PPM1L: variants seen among roughly 807,000 people sequenced by gnomAD.
PPM1L encodes protein phosphatase, Mg2+/Mn2+ dependent 1L.
PPM1L carries 13 observed loss-of-function variants against 31.4 expected under a neutral mutation model. The ratio of observed to expected loss-of-function variants is 0.41; its 90% CI spans 0.27 to 0.66. PPM1L has a LOEUF of 0.66. Among genes scored for constraint, PPM1L ranks in the 30% least tolerant of loss-of-function variants. PPM1L has a pLI of 0.29. For synonymous variants in PPM1L, 184 were observed against 175.4 expected, an observed-to-expected ratio of 1.05 and a Z score of -0.39; for missense variants, 326 against 453.7, an observed-to-expected ratio of 0.72 and a Z score of 2.56.
intron 1 of PPM1L, among the ~76,000 whole-genome samples, chr3:160,889,847 C>T (rs1295473789): frequency 6.6e-6 from 1 of 152,216 alleles, no homozygotes; most frequent in East Asian, 1.9e-4. Context: ...GCTGGTTCAA[C>T]ATATGCAAAT....
intron 2 of PPM1L, among the ~76,000 whole-genome samples, chr3:161,040,856 ATTATT>A (rs1441851593): frequency 6.6e-6 from 1 of 152,218 alleles, no homozygotes; most frequent in Non-Finnish European, 1.5e-5. Flanking sequence ...AGAAAATAAA[ATTATT>A]TTATCCCCAA....
chr3:160,778,096 C>T (rs1033194363), intron 1 of PPM1L, among the ~76,000 whole-genome samples: 2 of 152,166 alleles, frequency 1.3e-5, no homozygotes, highest in Admixed American at 6.5e-5. Context: ...TTTTGATTTG[C>T]ATTTTCTCTA....
chr3:160,773,001 C>T (rs902933454), intron 1 of PPM1L, among the ~76,000 whole-genome samples: 1 of 152,132 alleles, frequency 6.6e-6, no homozygotes, highest in African/African-American at 2.4e-5. Context: ...GAGTTTTTGG[C>T]TATGAACCTT....
intron 2 of PPM1L, among the ~76,000 whole-genome samples, chr3:161,011,955 A>G (rs1033970505): frequency 1.3e-5 from 2 of 152,286 alleles, no homozygotes; most frequent in African/African-American, 4.8e-5. Flanking sequence ...CAATCATGTC[A>G]CCTGCAAACA....
In PPM1L at chr3:161,052,325, A is replaced by G. The variant is rs537335706; in HGVS notation, c.575-13078A>G. On this transcript the variant is annotated intron_variant, in intron 2 of 3. Coordinates refer to ENST00000498165, the MANE Select transcript of PPM1L (RefSeq NM_139245.4). ...CTTTGTCTCCCTTGCATCTTCCTCT[A>G]CTCACACCCCTGCTGTCTGGCCAGC... Among the ~76,000 whole-genome samples, 5 of 152,222 alleles carry G rather than the reference A, an allele frequency of 3.3e-5. No individual in the cohort carries two copies. In the South Asian group the frequency reaches 8.3e-4, roughly 25 times the overall value.
At chr3:160,984,619 T>G (rs1289424930) in intron 2 of PPM1L, among the ~76,000 whole-genome samples, 10 of 152,314 alleles carry the variant, frequency 6.6e-5, no homozygotes, top group African/African-American at 2.2e-4. Flanking sequence ...CCATGAAATC[T>G]TCACAATTTA....
At chr3:160,780,066 C>T (rs1010976262) in intron 1 of PPM1L, among the ~76,000 whole-genome samples, 1 of 151,900 alleles carries the variant, frequency 6.6e-6, no homozygotes, top group African/African-American at 2.4e-5. Flanking sequence ...CTCCATTGCC[C>T]AGGCTGTGAT....
intron 2 of PPM1L, among the ~76,000 whole-genome samples, chr3:161,047,024 T>G (rs1297085299): frequency 6.6e-6 from 1 of 152,132 alleles, no homozygotes; most frequent in Non-Finnish European, 1.5e-5. Flanking sequence ...CTTTGAAAAC[T>G]GGCACAAGAC....
At chr3:160,916,587 C>T (rs1256126684) in intron 1 of PPM1L, among the ~76,000 whole-genome samples, 2 of 152,014 alleles carry the variant, frequency 1.3e-5, no homozygotes, top group African/African-American at 2.4e-5. Flanking sequence ...AAAAAGGATG[C>T]CTGCCTACAT....
At chr3:160,922,121 T>C (rs533802524) in intron 1 of PPM1L, among the ~76,000 whole-genome samples, 12 of 152,160 alleles carry the variant, frequency 7.9e-5, no homozygotes, top group East Asian at 1.9e-4. Context: ...CCATCCTGGC[T>C]AACACGGTGA....
chr3:160,757,915 T>C (rs531782433), intron 1 of PPM1L, among the ~76,000 whole-genome samples: 1 of 152,348 alleles, frequency 6.6e-6, no homozygotes, highest in South Asian at 2.1e-4. Context: ...GCCTTTGTTT[T>C]GGGTAAACAT....
At position 160,950,807 on chromosome 3, in the gene PPM1L, C is replaced by A. The variant is rs1715554844; in HGVS notation, c.400-10929C>A. The stretch of plus-strand genomic sequence containing the variant: ...AATAACTCATGAGTGTTTTAGAGTT[C>A]ACTTCTACCAGTTCCACTGGCTTCC... On this transcript the variant is annotated intron_variant, in intron 1 of 3. Transcript: ENST00000498165. 2.6e-5 allele frequency among the ~76,000 whole-genome samples: 4 copies of A among 152,212 alleles called. No individual in the cohort carries two copies. The South Asian group carries it at 8.3e-4, about 32-fold the overall frequency.
At chr3:160,901,429 G>A (rs756995980) in intron 1 of PPM1L, among the ~76,000 whole-genome samples, 39 of 151,900 alleles carry the variant, frequency 2.6e-4, no homozygotes, top group Non-Finnish European at 4.3e-4. Flanking sequence ...TTTTTATAAG[G>A]GTCTACAGGA....
At chr3:160,822,086 T>A (rs1030817658) in intron 1 of PPM1L, among the ~76,000 whole-genome samples, 5 of 152,044 alleles carry the variant, frequency 3.3e-5, no homozygotes, top group African/African-American at 4.8e-5. Flanking sequence ...TGTGTGTACA[T>A]GTTTAGTTTT....
chr3:160,894,870 G>T (rs1713281444), intron 1 of PPM1L, among the ~76,000 whole-genome samples: 2 of 151,888 alleles, frequency 1.3e-5, no homozygotes, highest in South Asian at 4.2e-4. Context: ...TAATGATTTT[G>T]GCACTCTAGA....
At chr3:160,929,543 C>CT (rs1714714062) in intron 1 of PPM1L, among the ~76,000 whole-genome samples, 1 of 152,186 alleles carries the variant, frequency 6.6e-6, no homozygotes, top group Non-Finnish European at 1.5e-5. Flanking sequence ...TGACACATGG[C>CT]TTCATGCTTC....
At chr3:160,787,373 T>G (rs1711966658) in intron 1 of PPM1L, among the ~76,000 whole-genome samples, 1 of 152,222 alleles carries the variant, frequency 6.6e-6, no homozygotes, top group Non-Finnish European at 1.5e-5. Flanking sequence ...GAGCACTTTT[T>G]GTATGTTTTT....
chr3:161,041,384 C>T (rs770640115), intron 2 of PPM1L, among the ~76,000 whole-genome samples: 3 of 152,278 alleles, frequency 2.0e-5, no homozygotes, highest in Admixed American at 1.3e-4. Context: ...GGCACATGTT[C>T]GCAGGATCTC....
At chr3:161,016,383 A>G (rs971014627) in intron 2 of PPM1L, among the ~76,000 whole-genome samples, 1 of 152,236 alleles carries the variant, frequency 6.6e-6, no homozygotes, top group Non-Finnish European at 1.5e-5. Flanking sequence ...AGATATGCAA[A>G]CAAATATTTC....
Sources: allele counts gnomAD v4.1 joint callset (sites outside exome capture counted in the v4.1 genomes callset), GRCh38; gene constraint gnomAD v4.1.1; transcripts MANE v1.5; gene names NCBI Gene and HGNC (gene_info 2026-07-23, HGNC 2026-07-21).